Variants in FREM2 observed in about 807,000 individuals in gnomAD.
The protein encoded by FREM2 is FRAS1-related extracellular matrix protein 2.
In FREM2, 119 loss-of-function variants were observed where a neutral mutation model predicts 219.9. The observed-to-expected ratio is 0.54, with a 90% CI of 0.47 to 0.63. The LOEUF (loss-of-function observed/expected upper bound fraction) is 0.63, where lower values mean the gene tolerates loss of function less well. FREM2 is among the 30% of genes least tolerant of loss of function. The probability of loss-of-function intolerance (pLI) is 0.00; values close to 1 mark genes in which losing one functional copy is unlikely to be tolerated. For synonymous variants in FREM2, 1,562 were observed against 1,522.8 expected, an observed-to-expected ratio of 1.03 and a Z score of -0.60; for missense variants, 4,030 against 3,993.6, an observed-to-expected ratio of 1.01 and a Z score of -0.25.
chr13:38,723,646 T>C (rs1456136401), intron 2 of FREM2, among the ~76,000 whole-genome samples: 1 of 152,232 alleles, frequency 6.6e-6, no homozygotes, highest in African/African-American at 2.4e-5. Context: ...CTATTCCTTC[T>C]CAACCTCCAT....
intron 16 of FREM2, 111 bp from the exon 17 acceptor site, chr13:38,872,631 A>G: frequency 1.2e-6 from 1 of 867,934 alleles, no homozygotes; most frequent in Non-Finnish European, 1.9e-6. Flanking sequence ...TCCTCTTCTC[A>G]ATGATTACTC....
chr13:38,860,588 C>A (rs1877725398), intron 14 of FREM2, among the ~76,000 whole-genome samples: 1 of 152,118 alleles, frequency 6.6e-6, no homozygotes, highest in African/African-American at 2.4e-5. Context: ...ATCAGACAGC[C>A]TCTATGCTGG....
chr13:38,876,165 T>A lies in FREM2; in HGVS notation c.8409+16T>A, dbSNP rs1021947727. 6.2e-6 allele frequency: 10 copies of A among 1,614,062 alleles called. No homozygotes were observed. Among genetic ancestry groups the A allele is most frequent in the South Asian group, 1.1e-5 (1 of 91,072 alleles). On this transcript the variant is annotated intron_variant, in intron 19 of 23. Coordinates refer to ENST00000280481, the MANE Select transcript of FREM2 (RefSeq NM_207361.6). ...TGACTTTGCCGTAAGTGACTAAGACTCTTAATTAATTTTCTTCTGCTGCTG... is the reference window on the plus strand; with the variant it reads ...TGACTTTGCCGTAAGTGACTAAGACACTTAATTAATTTTCTTCTGCTGCTG...
rs1215736917 is a variant in FREM2, at chr13:38,738,518, A to C, written c.5264-25786A>C. ...CAGGTGGAGGTTGCAGTGAGCTGAGATCATGCCACTGCACTCCAGCCTGGG... is the reference window on the plus strand; with the variant it reads ...CAGGTGGAGGTTGCAGTGAGCTGAGCTCATGCCACTGCACTCCAGCCTGGG... On this transcript the variant is annotated intron_variant, in intron 2 of 23. Coordinates refer to ENST00000280481, the MANE Select transcript of FREM2 (RefSeq NM_207361.6). Among the ~76,000 whole-genome samples, 10 of 141,754 alleles carry C rather than the reference A, an allele frequency of 7.1e-5. 1 individual carries two copies. Among genetic ancestry groups the C allele is most frequent in the Non-Finnish European group, 6.0e-5 (4 of 66,326 alleles). The allele number at this position is 141,754 out of a possible 152,430, so 93.0% of individuals were successfully genotyped here.
chr13:38,745,758 A>T (rs557501266), intron 2 of FREM2, among the ~76,000 whole-genome samples: 4 of 152,190 alleles, frequency 2.6e-5, no homozygotes, highest in Non-Finnish European at 5.9e-5. Flanking sequence ...CTGCTTTCTG[A>T]TTTTCAATCC....
intron 17 of FREM2, 89 bp from the exon 18 acceptor site, chr13:38,874,393 T>C (rs1033380380): frequency 2.9e-6 from 3 of 1,031,084 alleles, no homozygotes; most frequent in African/African-American, 3.1e-5. Context: ...TAAAGACAAG[T>C]CAAACCTGAA....
chr13:38,740,516 CTCTT>C (rs947691357), intron 2 of FREM2, among the ~76,000 whole-genome samples: 1 of 152,160 alleles, frequency 6.6e-6, no homozygotes, highest in Non-Finnish European at 1.5e-5. Context: ...GTTGCTCTCT[CTCTT>C]ATATTCTCCA....
intron 2 of FREM2, among the ~76,000 whole-genome samples, chr13:38,741,489 C>T (rs1225067373): frequency 6.6e-6 from 1 of 152,136 alleles, no homozygotes; most frequent in Admixed American, 6.6e-5. Flanking sequence ...TCTGAAAAAT[C>T]CATGAACAGG....
At chr13:38,871,301 G>A (rs1278551066) in intron 16 of FREM2, among the ~76,000 whole-genome samples, 1 of 152,154 alleles carries the variant, frequency 6.6e-6, no homozygotes, top group Non-Finnish European at 1.5e-5. Context: ...TAGTTCTCAT[G>A]ATTTAAATTA....
rs1202586804 is a variant in FREM2, at chr13:38,783,199, G to T, written c.5767+4G>T. 2 of 1,614,054 alleles carry T rather than the reference G, an allele frequency of 1.2e-6. No homozygotes were observed. Among genetic ancestry groups the T allele is most frequent in the South Asian group, 2.2e-5 (2 of 91,082 alleles). ...GTGGTCTGTTATACCCAACAAGGTA[G>T]CTCGATTTGCCGAAAAACTAAGATA... On this transcript the variant is annotated splice_donor_region_variant and intron_variant, in intron 5 of 23. Transcript: ENST00000280481.
intron 6 of FREM2, among the ~76,000 whole-genome samples, chr13:38,820,740 C>T (rs1027020032): frequency 6.6e-6 from 1 of 152,086 alleles, no homozygotes; most frequent in African/African-American, 2.4e-5. Context: ...AAAAGCCAAA[C>T]ATGGCAACTT....
chr13:38,807,743 G>A (rs932810553), intron 6 of FREM2, among the ~76,000 whole-genome samples: 3 of 151,894 alleles, frequency 2.0e-5, no homozygotes, highest in East Asian at 2.0e-4. Flanking sequence ...GTTGTAAACG[G>A]ATGTACTGTC....
At chr13:38,852,369 A>G (rs1369020855) in intron 11 of FREM2, among the ~76,000 whole-genome samples, 1 of 152,176 alleles carries the variant, frequency 6.6e-6, no homozygotes. Flanking sequence ...TATATGTGTT[A>G]GGACTTAGGG....
At chr13:38,805,670 A>C (rs967916297) in intron 6 of FREM2, among the ~76,000 whole-genome samples, 1 of 151,972 alleles carries the variant, frequency 6.6e-6, no homozygotes, top group Non-Finnish European at 1.5e-5. Flanking sequence ...AATTTTATCT[A>C]TAGTTATAAT....
intron 6 of FREM2, among the ~76,000 whole-genome samples, chr13:38,833,546 C>G (rs1438429480): frequency 6.6e-6 from 1 of 152,188 alleles, no homozygotes; most frequent in Admixed American, 6.6e-5. Flanking sequence ...CATCTACTCA[C>G]TGAACCCCAT....
rs368625132 is a variant in FREM2 at position 38,885,426 on chromosome 13, C to A, written c.*4639C>A. ...GGTATTTGTTTGCTTTGTGTTTTTT[C>A]AATATTTTGTTTGCTAAAGAACAAT... On this transcript the variant is annotated 3_prime_UTR_variant, in exon 24 of 24. Coordinates refer to ENST00000280481, the MANE Select transcript of FREM2 (RefSeq NM_207361.6). 1.3e-5 allele frequency: 2 copies of A among 152,086 alleles called. No individual in the cohort carries two copies. Among genetic ancestry groups the A allele is most frequent in the African/African-American group, 4.8e-5 (2 of 41,444 alleles). The allele number at this position is 152,086 out of a possible 1,614,324, so 9.4% of individuals were successfully genotyped here.
At chr13:38,712,273 C>G (rs1207011464) in intron 2 of FREM2, among the ~76,000 whole-genome samples, 1 of 152,260 alleles carries the variant, frequency 6.6e-6, no homozygotes, top group Non-Finnish European at 1.5e-5. Flanking sequence ...AAGGGCTCTT[C>G]TGCAATACTC....
intron 2 of FREM2, among the ~76,000 whole-genome samples, chr13:38,724,247 C>T (rs1871419441): frequency 6.6e-6 from 1 of 152,200 alleles, no homozygotes; most frequent in African/African-American, 2.4e-5. Flanking sequence ...GGAAAACTAA[C>T]CCTGGTTTAA....
At chr13:38,808,390 A>G (rs1478455075) in intron 6 of FREM2, among the ~76,000 whole-genome samples, 1 of 152,066 alleles carries the variant, frequency 6.6e-6, no homozygotes, top group Non-Finnish European at 1.5e-5. Flanking sequence ...TCCATTCACA[A>G]CTTGGATAAC....
Sources: gnomAD v4.1 joint callset for allele counts (sites outside exome capture counted in the v4.1 genomes callset) on GRCh38, gnomAD v4.1.1 for gene constraint, MANE v1.5 for transcripts, NCBI Gene and HGNC (gene_info 2026-07-23, HGNC 2026-07-21) for gene names.